The following CCDC197 variants were observed in gnomAD, a reference collection of about 807,000 sequenced individuals.
The protein encoded by CCDC197 is coiled-coil domain containing 197, also known as uncharacterized protein CCDC197.
CCDC197 carries 24 observed loss-of-function variants against 13.4 expected under a neutral mutation model. The ratio of observed to expected loss-of-function variants is 1.80; its 90% confidence interval spans 1.30 to 2.53. The LOEUF is 2.53. CCDC197 is among the 30% of genes most tolerant of loss of function. The pLI is 0.00. For missense variants in CCDC197, 255 were observed against 148.8 expected, an observed-to-expected ratio of 1.71 and a Z score of -3.71; for synonymous variants, 99 against 55.5, an observed-to-expected ratio of 1.78 and a Z score of -3.48.
intron 2 of CCDC197, 144 bp downstream of exon 2, chr14:93,998,379 G>C (rs186320535): frequency 1.5e-6 from 1 of 650,568 alleles, no homozygotes; most frequent in Admixed American, 2.2e-5. Context: ...GCAAATGGGC[G>C]GGGTGGGGCT....
intron 6 of CCDC197, among the ~76,000 whole-genome samples, chr14:94,005,638 C>A (rs963912677): frequency 5.3e-5 from 8 of 152,194 alleles, no homozygotes; most frequent in Admixed American, 5.2e-4. Context: ...ACATTTAGCC[C>A]TTACAATTAT....
intron 1 of CCDC197, among the ~76,000 whole-genome samples, chr14:93,990,301 G>A (rs972508405): frequency 5.9e-5 from 9 of 152,246 alleles, no homozygotes; most frequent in East Asian, 3.9e-4. Context: ...AGACCATCTC[G>A]AGTCTGTTTC....
At chr14:94,008,509 A>G in intron 6 of CCDC197, 100 bp from the exon 7 acceptor site, 2 of 651,338 alleles carry the variant, frequency 3.1e-6, no homozygotes, top group Non-Finnish European at 5.7e-6. Flanking sequence ...TGTGAGAGTT[A>G]AAGGAGAAGT....
chr14:93,989,629 C>A (rs907129233), intron 1 of CCDC197, among the ~76,000 whole-genome samples: 16 of 152,222 alleles, frequency 1.1e-4, no homozygotes, highest in African/African-American at 3.9e-4. Flanking sequence ...CTCACATTGA[C>A]CTTGTTCCTC....
intron 6 of CCDC197, among the ~76,000 whole-genome samples, 200 bp downstream of exon 6, chr14:94,005,171 G>T (rs1027375647): frequency 9.2e-5 from 14 of 152,036 alleles, no homozygotes; most frequent in Admixed American, 9.2e-4. Flanking sequence ...CTAGGTGAAG[G>T]GTCAGTGTAG....
chr14:94,002,741 T>A (rs935867926), intron 4 of CCDC197, among the ~76,000 whole-genome samples: 1 of 149,458 alleles, frequency 6.7e-6, no homozygotes, highest in Non-Finnish European at 1.5e-5. Context: ...TAATCTCAGC[T>A]AATTAGGAGG....
upstream of CCDC197, among the ~76,000 whole-genome samples, chr14:93,993,893 C>T (rs11620660): frequency 6.6e-6 from 1 of 152,012 alleles, no homozygotes; most frequent in African/African-American, 2.4e-5. Context: ...AGACCTGCGC[C>T]CCTCACCGCT....
chr14:93,991,957 A>C (rs1890220276), intron 1 of CCDC197, among the ~76,000 whole-genome samples: 1 of 152,224 alleles, frequency 6.6e-6, no homozygotes, highest in Non-Finnish European at 1.5e-5. Flanking sequence ...CATGTTTTAA[A>C]GTGGTGGTGT....
rs1214538327 is a variant in CCDC197 at position 93,998,103 on chromosome 14, C to T, written c.-29C>T. 1.3e-6 allele frequency: 1 copy of T among 780,120 alleles called. No individual in the cohort carries two copies. Among genetic ancestry groups the T allele is most frequent in the Non-Finnish European group, 2.4e-6 (1 of 418,032 alleles). The allele number at this position is 780,120 out of a possible 1,614,324, so 48.3% of individuals were successfully genotyped here. The stretch of plus-strand genomic sequence containing the variant: ...CCTGCCTGACTCACGGGTCTCCTGT[C>T]CTCCTGCATAGCTTGCGGTGGTGAG... On this transcript the variant is annotated 5_prime_UTR_variant, in exon 2 of 7. Transcript: ENST00000636493.
At chr14:93,992,887 G>A (rs569603890), upstream of CCDC197, among the ~76,000 whole-genome samples, 16 of 152,236 alleles carry the variant, frequency 1.1e-4, no homozygotes, top group African/African-American at 3.9e-4. Context: ...CAGAGGAGGT[G>A]GGGCCCCAGC....
intron 3 of CCDC197, chr14:94,000,880 G>A (rs1378154275): frequency 5.6e-6 from 2 of 359,346 alleles, no homozygotes; most frequent in Non-Finnish European, 9.9e-6. Context: ...CGCCTCGCTC[G>A]GTGGTCTTGA....
downstream of CCDC197, among the ~76,000 whole-genome samples, chr14:94,010,570 CT>C (rs1270077109): frequency 1.3e-5 from 2 of 152,226 alleles, no homozygotes; most frequent in Non-Finnish European, 2.9e-5. Context: ...TCTCATAGAC[CT>C]TCACAGGAAA....
At chr14:94,002,946 TGAA>T (rs2141373081) in intron 4 of CCDC197, among the ~76,000 whole-genome samples, 1 of 150,522 alleles carries the variant, frequency 6.6e-6, no homozygotes, top group African/African-American at 2.4e-5. Context: ...TGGTGGAAGG[TGAA>T]GGAGGAGCAA....
At chr14:94,009,283 G>C (rs1382836033), downstream of CCDC197, among the ~76,000 whole-genome samples, 1 of 152,124 alleles carries the variant, frequency 6.6e-6, no homozygotes, top group African/African-American at 2.4e-5. Flanking sequence ...ATGTGTAGGG[G>C]GCATCTCATC....
chr14:93,989,456 C>T (rs763693126), intron 1 of CCDC197, among the ~76,000 whole-genome samples: 2 of 152,186 alleles, frequency 1.3e-5, no homozygotes, highest in Non-Finnish European at 2.9e-5. Flanking sequence ...TGCTCCTATA[C>T]ATGCAGGAGC....
At chr14:94,005,738 T>C (rs1195748254) in intron 6 of CCDC197, among the ~76,000 whole-genome samples, 1 of 152,164 alleles carries the variant, frequency 6.6e-6, no homozygotes, top group East Asian at 1.9e-4. Flanking sequence ...AAAGATACAT[T>C]TAGCGTCTGG....
At chr14:94,008,426 T>A (rs1198849515) in intron 6 of CCDC197, among the ~76,000 whole-genome samples, 183 bp from the exon 7 acceptor site, 2 of 152,172 alleles carry the variant, frequency 1.3e-5, no homozygotes, top group Non-Finnish European at 2.9e-5. Context: ...ATCAGACAAG[T>A]CACCTAACCT....
At chr14:93,992,901 G>T (rs1890235110), upstream of CCDC197, among the ~76,000 whole-genome samples, 1 of 152,170 alleles carries the variant, frequency 6.6e-6, no homozygotes, top group African/African-American at 2.4e-5. Context: ...CCCCAGCACA[G>T]CTTCCTGGGC....
chr14:93,997,103 T>C (rs976192666), upstream of CCDC197: 4 of 152,202 alleles, frequency 2.6e-5, no homozygotes, highest in East Asian at 7.7e-4. Flanking sequence ...AAGTCTCACA[T>C]GGGGTTGCCA....
Sources: gnomAD v4.1 joint callset for allele counts (sites outside exome capture counted in the v4.1 genomes callset) on GRCh38, gnomAD v4.1.1 for gene constraint, MANE v1.5 for transcripts, NCBI Gene and HGNC (gene_info 2026-07-23, HGNC 2026-07-21) for gene names.